Variants in KIF15 observed in about 807,000 individuals in gnomAD.
KIF15 encodes the protein kinesin-like protein KIF15.
A neutral mutation model predicts 190.6 loss-of-function variants in KIF15; 140 were observed. The observed-to-expected ratio is 0.73, with a 90% CI of 0.64 to 0.84. The LOEUF (loss-of-function observed/expected upper bound fraction) is 0.84, where lower values mean the gene tolerates loss of function less well. KIF15 is among the 40% of genes least tolerant of loss of function. The probability of loss-of-function intolerance (pLI) is 0.00; values close to 1 mark genes in which losing one functional copy is unlikely to be tolerated. For synonymous variants in KIF15, 528 were observed against 551.3 expected, an observed-to-expected ratio of 0.96 and a Z score of 0.59; for missense variants, 1,372 against 1,584.4, an observed-to-expected ratio of 0.87 and a Z score of 2.28.
chr3:44,791,929 G>T (rs1706722707), intron 7 of KIF15, among the ~76,000 whole-genome samples: 1 of 152,002 alleles, frequency 6.6e-6, no homozygotes, highest in Non-Finnish European at 1.5e-5. Flanking sequence ...ATGTTGGTCA[G>T]GCTGGTCTTG....
At chr3:44,833,009 CAAAAA>C (rs11339810) in intron 26 of KIF15, among the ~76,000 whole-genome samples, 11 of 85,206 alleles carry the variant, frequency 1.3e-4, no homozygotes, top group Non-Finnish European at 1.8e-4. Flanking sequence ...GACTCCATCT[CAAAAA>C]AAAAAAAAAA....
chr3:44,794,453 T>G (rs202007573), intron 8 of KIF15, 27 bp downstream of exon 8: 4 of 1,526,936 alleles, frequency 2.6e-6, no homozygotes, highest in Non-Finnish European at 3.6e-6. Context: ...GGTCTTCAAC[T>G]TGTGTGTGAG....
intron 26 of KIF15, among the ~76,000 whole-genome samples, chr3:44,836,590 A>C (rs1424822963): frequency 6.6e-6 from 1 of 152,182 alleles, no homozygotes; most frequent in African/African-American, 2.4e-5. Flanking sequence ...ATAGAAACAC[A>C]GCTGGTGGAA....
chr3:44,776,236 CCTT>C (rs1705883845), intron 3 of KIF15, among the ~76,000 whole-genome samples: 1 of 151,222 alleles, frequency 6.6e-6, no homozygotes, highest in Non-Finnish European at 1.5e-5. Flanking sequence ...ATGACAAAAG[CCTT>C]CTTTTTTTTT....
chr3:44,860,964 C>T lies in KIF15; in HGVS notation c.*59+8170C>T, dbSNP rs185604569. Among the ~76,000 whole-genome samples, 299 of 152,160 alleles carry T rather than the reference C, an allele frequency of 2.0e-3. 2 individuals carry two copies. The highest frequency in any genetic ancestry group is 6.6e-3 in the African/African-American group (272 of 41,510). ...CATTTCAACACTTTATTTTCAAGGA[C>T]GTGTACTTTTTAAATGGGAACATTT... On this transcript the variant is annotated intron_variant and NMD_transcript_variant, in intron 6 of 6. Transcript: ENST00000422209.
chr3:44,766,899 C>T (rs2125891156), intron 1 of KIF15, among the ~76,000 whole-genome samples: 1 of 149,388 alleles, frequency 6.7e-6, no homozygotes, highest in South Asian at 2.1e-4. Context: ...CAAGCTCCGC[C>T]TCCTGGGTTC....
chr3:44,852,461 T>TAAAA (rs375038429), intron 34 of KIF15, 122 bp downstream of exon 34: 16 of 805,704 alleles, frequency 2.0e-5, no homozygotes, highest in Admixed American at 7.1e-5. Context: ...CTTCCTGAAT[T>TAAAA]AAAAAAAAAA....
rs370667647 is a variant in KIF15 at position 44,818,571 on chromosome 3, C to G, written c.2549+3495C>G. 1.1e-4 allele frequency among the ~76,000 whole-genome samples: 17 copies of G among 152,272 alleles called. No homozygotes were observed. The East Asian group carries it at 1.2e-3, about 10-fold the overall frequency. On this transcript the variant is annotated intron_variant, in intron 20 of 34. Transcript: ENST00000326047. ...TATTGATTTGCGTATGTTGAAGCAGCCTTGCATGCCATAGATACAGCCGAC... is the reference window on the plus strand; with the variant it reads ...TATTGATTTGCGTATGTTGAAGCAGGCTTGCATGCCATAGATACAGCCGAC...
intron 26 of KIF15, among the ~76,000 whole-genome samples, chr3:44,835,729 C>T (rs151181405): frequency 1.3e-5 from 2 of 152,190 alleles, no homozygotes; most frequent in Non-Finnish European, 2.9e-5. Flanking sequence ...AAATAGAGAG[C>T]AGTGAATATG....
At chr3:44,802,360 C>T (rs144735175) in intron 13 of KIF15, among the ~76,000 whole-genome samples, 27 of 152,280 alleles carry the variant, frequency 1.8e-4, no homozygotes, top group African/African-American at 6.5e-4. Context: ...AATCTCTTAT[C>T]AGCTTCTTGT....
chr3:44,806,597 T>A (rs1454973796), intron 16 of KIF15, among the ~76,000 whole-genome samples: 2 of 152,188 alleles, frequency 1.3e-5, no homozygotes, highest in Non-Finnish European at 2.9e-5. Flanking sequence ...TGATTTCAGC[T>A]TTTGTATCCA....
chr3:44,817,269 C>G (rs9828361), intron 20 of KIF15, among the ~76,000 whole-genome samples: 64,901 of 151,916 alleles, frequency 0.43, 15,556 homozygotes, highest in East Asian at 0.84. Context: ...TCTATTTTGT[C>G]TTTTGTTGCC....
chr3:44,800,627 A>AG (rs1303497174), intron 11 of KIF15, among the ~76,000 whole-genome samples, 190 bp downstream of exon 11: 3 of 152,234 alleles, frequency 2.0e-5, no homozygotes, highest in Non-Finnish European at 4.4e-5. Context: ...GGCAGTGAGA[A>AG]GGGGGAATTA....
At chr3:44,780,772 A>G (rs1575586093) in intron 4 of KIF15, 113 bp from the exon 5 acceptor site, 8 of 635,798 alleles carry the variant, frequency 1.3e-5, no homozygotes, top group Admixed American at 2.9e-5. Flanking sequence ...ATTTAAAAAT[A>G]GAAAGAAAAT....
rs1046932407 is a variant in KIF15, at chr3:44,841,268, A to G, written c.3585+30A>G. 2.5e-6 allele frequency: 4 copies of G among 1,570,068 alleles called. No homozygotes were observed. The East Asian group carries it at 6.7e-5, about 26-fold the overall frequency. ...TTGGATTTTTTTTCCAGTAAATTTA[A>G]TTATTTTTAAAGAGACCAAGTCTCG... is the stretch of plus-strand genomic sequence containing the variant. On this transcript the variant is annotated intron_variant, in intron 29 of 34. Coordinates refer to ENST00000326047, the MANE Select transcript of KIF15 (RefSeq NM_020242.3).
intron 28 of KIF15, among the ~76,000 whole-genome samples, chr3:44,840,729 C>T (rs1026262445): frequency 7.9e-6 from 1 of 126,622 alleles, no homozygotes. Context: ...AGTGCAGTGG[C>T]ATGATCTCGG....
chr3:44,803,161 T>G (rs1707356302), intron 14 of KIF15, among the ~76,000 whole-genome samples, 170 bp downstream of exon 14: 1 of 152,228 alleles, frequency 6.6e-6, no homozygotes, highest in South Asian at 2.1e-4. Context: ...ACTTTTCTTT[T>G]TCTCAAAAAT....
At chr3:44,860,037 A>G (rs1699223047) in intron 6 of KIF15, among the ~76,000 whole-genome samples, 1 of 152,200 alleles carries the variant, frequency 6.6e-6, no homozygotes, top group African/African-American at 2.4e-5. Context: ...AGGAGCTTGC[A>G]GGCTAGCAGA....
At chr3:44,766,285 T>C (rs1705370558) in intron 1 of KIF15, among the ~76,000 whole-genome samples, 1 of 152,182 alleles carries the variant, frequency 6.6e-6, no homozygotes, top group Non-Finnish European at 1.5e-5. Flanking sequence ...AATGGCAGTC[T>C]TGTCTCTGAG....
Sources: allele counts gnomAD v4.1 joint callset (sites outside exome capture counted in the v4.1 genomes callset), GRCh38; gene constraint gnomAD v4.1.1; transcripts MANE v1.5; gene names NCBI Gene and HGNC (gene_info 2026-07-23, HGNC 2026-07-21).